Variants in PHACTR2 observed in about 807,000 individuals in gnomAD.
The protein encoded by PHACTR2 is phosphatase and actin regulator 2.
Under a neutral mutation model 76.0 loss-of-function variants are expected in PHACTR2, and 30 were observed. The observed-to-expected ratio is 0.39, with a 90% CI of 0.30 to 0.54. PHACTR2 has a LOEUF of 0.54. Among genes scored for constraint, PHACTR2 ranks in the 20% least tolerant of loss-of-function variants. The probability of loss-of-function intolerance (pLI) is 0.61; values close to 1 mark genes in which losing one functional copy is unlikely to be tolerated. For missense variants in PHACTR2, 696 were observed against 781.1 expected, an observed-to-expected ratio of 0.89 and a Z score of 1.30; for synonymous variants, 292 against 292.5, an observed-to-expected ratio of 1.00 and a Z score of 0.02.
At position 143,765,688 on chromosome 6, in the gene PHACTR2, G is replaced by C; in HGVS notation, c.1122G>C (p.Leu374=). 1 of 1,614,148 alleles carries C rather than the reference G, an allele frequency of 6.2e-7. No homozygotes were observed. Among genetic ancestry groups the C allele is most frequent in the Non-Finnish European group, 8.5e-7 (1 of 1,180,026 alleles). The change falls in exon 6 of 13, where the codon CTG becomes CTC. Residue 374 remains leucine, a synonymous_variant. Coordinates refer to ENST00000440869, the MANE Select transcript of PHACTR2 (RefSeq NM_001100164.2). The surrounding 1 kb of genome is among the most constrained non-coding windows in gnomAD (Gnocchi z 4.1). ...TCCTCGTCAGCGTTGGAGCTGACCT[G>C]CCCGTCTCTGCCTTAGACCCAAGTC... ...PVVLVSVGAD[L]PVSALDPSQL...
rs1165865514 is a variant in PHACTR2, at chr6:143,546,476, CATA to C, written c.217+9275_217+9277del. Among the ~76,000 whole-genome samples the C allele has an allele frequency of 6.6e-6, 1 of 152,036 alleles. No homozygotes were observed. Among genetic ancestry groups the C allele is most frequent in the African/African-American group, 2.4e-5 (1 of 41,384 alleles). ...TAACTCACATACTGTAAGCATGTGA[CATA>C]ATAATTAATGGTCATTAGTCAGGTC... On this transcript the variant is annotated intron_variant, in intron 1 of 11. Transcript: ENST00000367584. The surrounding 1 kb of genome is among the most constrained non-coding windows in gnomAD (Gnocchi z 4.9).
At chr6:143,593,438 A>G (rs1272761987) in intron 1 of PHACTR2, among the ~76,000 whole-genome samples, 1 of 152,192 alleles carries the variant, frequency 6.6e-6, no homozygotes, top group Non-Finnish European at 1.5e-5. Context: ...GCATATCTTC[A>G]TTTCTGCTTC....
At position 143,822,401 on chromosome 6, in the gene PHACTR2, G is replaced by C. The variant is rs985953639; in HGVS notation, c.1923-1273G>C. The stretch of plus-strand genomic sequence containing the variant: ...AGAACTGGGTTGGGCGCAGTGGCTC[G>C]TACCTGTAATCACAGCACTGTGGAA... On this transcript the variant is annotated intron_variant, in intron 12 of 12. Transcript: ENST00000440869. This position sits in a 1 kb window ranked among gnomAD's most constrained non-coding sequence, Gnocchi z 5.5. Among the ~76,000 whole-genome samples, 41 of 152,184 alleles carry C rather than the reference G, an allele frequency of 2.7e-4. No individual in the cohort carries two copies. The highest frequency in any genetic ancestry group is 9.4e-4 in the African/African-American group (39 of 41,538).
intron 1 of PHACTR2, among the ~76,000 whole-genome samples, chr6:143,575,613 T>C (rs1465068036): frequency 6.6e-6 from 1 of 152,258 alleles, no homozygotes; most frequent in Admixed American, 6.5e-5. Flanking sequence ...TGGTGCTTAA[T>C]AGCTTCCATT....
rs1211020675 is a variant in PHACTR2, at chr6:143,784,296, AT to A, written c.1707+1019del. ...CAAACTCAGACAATTGTTGCCACTT[AT>A]TTATGAATATATAAATCTGATGTTA... On this transcript the variant is annotated intron_variant, in intron 10 of 12. Transcript: ENST00000440869. The surrounding 1 kb of genome is among the most constrained non-coding windows in gnomAD (Gnocchi z 4.5). Among the ~76,000 whole-genome samples the A allele has an allele frequency of 1.3e-5, 2 of 152,192 alleles. No homozygotes were observed. Among genetic ancestry groups the A allele is most frequent in the African/African-American group, 4.8e-5 (2 of 41,442 alleles).
In PHACTR2 at chr6:143,623,766, T is replaced by C. The variant is rs1004016092; in HGVS notation, c.13+15444T>C. The stretch of plus-strand genomic sequence containing the variant: ...AGAAAGAATAAAAGGGGAATTTTTA[T>C]ATTTTACTCTAGACTTTTCTATTTT... On this transcript the variant is annotated intron_variant, in intron 1 of 11. Transcript: ENST00000305766. The surrounding 1 kb of genome is among the most constrained non-coding windows in gnomAD (Gnocchi z 5.9). Among the ~76,000 whole-genome samples, 4 of 152,222 alleles carry C rather than the reference T, an allele frequency of 2.6e-5. No individual in the cohort carries two copies. Among genetic ancestry groups the C allele is most frequent in the African/African-American group, 9.6e-5 (4 of 41,466 alleles).
intron 12 of PHACTR2, among the ~76,000 whole-genome samples, chr6:143,814,047 A>C (rs1036650212): frequency 3.2e-4 from 48 of 152,232 alleles, no homozygotes; most frequent in Middle Eastern, 3.2e-3. Flanking sequence ...TACAGGAAAG[A>C]AAATGTTACT....
At chr6:143,540,421 C>T (rs1781162546) in intron 1 of PHACTR2, among the ~76,000 whole-genome samples, 1 of 152,202 alleles carries the variant, frequency 6.6e-6, no homozygotes, top group African/African-American at 2.4e-5. Context: ...CACCTCCATC[C>T]TTCTTTCCAG....
At position 143,708,193 on chromosome 6, in the gene PHACTR2, A is replaced by T. The variant is rs904800217; in HGVS notation, c.47-3823A>T. On this transcript the variant is annotated intron_variant, in intron 1 of 12. Transcript: ENST00000440869. This position sits in a 1 kb window ranked among gnomAD's most constrained non-coding sequence, Gnocchi z 5.5. The stretch of plus-strand genomic sequence containing the variant: ...TTTGCACTGGGACTGCCTAACTGAT[A>T]CATTTCTGTTTAAATAAAAAATAAA... Among the ~76,000 whole-genome samples the T allele has an allele frequency of 5.3e-5, 8 of 152,214 alleles. No homozygotes were observed. The highest frequency in any genetic ancestry group is 1.9e-4 in the African/African-American group (8 of 41,450).
In PHACTR2 at chr6:143,827,048, G is replaced by C. The variant is rs1162883832; in HGVS notation, c.*3359G>C. 3.3e-5 allele frequency: 5 copies of C among 150,242 alleles called. No homozygotes were observed. Among genetic ancestry groups the C allele is most frequent in the Non-Finnish European group, 7.4e-5 (5 of 67,640 alleles). The allele number at this position is 150,242 out of a possible 1,614,324, so 9.3% of individuals were successfully genotyped here. ...AAGGAATTCAATACACCCTTCAAAAGTCACCAAATACTGAAAATAAGAGAT... is the reference window on the plus strand; with the variant it reads ...AAGGAATTCAATACACCCTTCAAAACTCACCAAATACTGAAAATAAGAGAT... On this transcript the variant is annotated 3_prime_UTR_variant, in exon 13 of 13. Transcript: ENST00000440869.
rs1481238345 is a variant in PHACTR2 at position 143,602,132 on chromosome 6, TTTG to T, written c.217+64928_217+64930del. 2.6e-5 allele frequency among the ~76,000 whole-genome samples: 4 copies of T among 152,196 alleles called. No individual in the cohort carries two copies. Among genetic ancestry groups the T allele is most frequent in the Non-Finnish European group, 1.5e-5 (1 of 68,038 alleles). On this transcript the variant is annotated intron_variant, in intron 1 of 11. Coordinates refer to the PHACTR2 transcript ENST00000367584. The surrounding 1 kb of genome is among the most constrained non-coding windows in gnomAD (Gnocchi z 6.1). ...GCTGCCTAACATTAGTTCCTTTAGT[TTTG>T]TTTTCACTCTCGCTCTCCCCCTCCC...
At chr6:143,600,005 G>A (rs984245630) in intron 1 of PHACTR2, among the ~76,000 whole-genome samples, 6 of 152,206 alleles carry the variant, frequency 3.9e-5, no homozygotes, top group Admixed American at 3.3e-4. Flanking sequence ...ACTACCAGTT[G>A]GCAGCTCATG....
In PHACTR2 at chr6:143,801,658, C is replaced by T. The variant is rs1160253660; in HGVS notation, c.1846-5399C>T. On this transcript the variant is annotated intron_variant, in intron 11 of 12. Transcript: ENST00000440869. The surrounding 1 kb of genome is among the most constrained non-coding windows in gnomAD (Gnocchi z 4.6). ...TGGATTAGATCATGCTCCTTTAGCT[C>T]GGAGAAGTTTGTTATTACTGACCTT... Among the ~76,000 whole-genome samples the T allele has an allele frequency of 1.3e-5, 2 of 152,114 alleles. No homozygotes were observed. Among genetic ancestry groups the T allele is most frequent in the Non-Finnish European group, 2.9e-5 (2 of 68,028 alleles).
At position 143,677,989 on chromosome 6, in the gene PHACTR2, C is replaced by T; in HGVS notation, c.-175C>T. On this transcript the variant is annotated 5_prime_UTR_variant, in exon 1 of 13. Transcript: ENST00000440869. ...CATCCGCTGGGCAGGATCCGCCGCG[C>T]CGGCTGCGGCCGGCCGGGCTGGGAG... The T allele has an allele frequency of 6.3e-6, 9 of 1,438,616 alleles. No individual in the cohort carries two copies. In the South Asian group the frequency reaches 1.3e-4, roughly 20 times the overall value. 89.1% of individuals were successfully genotyped at this position (1,438,616 alleles called of 1,614,324 possible).
chr6:143,687,345 C>T (rs1056089346), intron 1 of PHACTR2, among the ~76,000 whole-genome samples: 3 of 152,124 alleles, frequency 2.0e-5, no homozygotes, highest in Non-Finnish European at 2.9e-5. Context: ...AAGAATTGGT[C>T]TTACAATTAA....
At chr6:143,716,334 G>A (rs1027418501) in intron 2 of PHACTR2, among the ~76,000 whole-genome samples, 1 of 152,078 alleles carries the variant, frequency 6.6e-6, no homozygotes, top group Non-Finnish European at 1.5e-5. Flanking sequence ...TCTGTTATGG[G>A]AATCAGAAAG....
Position 143,541,372 on chromosome 6 carries a change from T to C in PHACTR2, c.217+4165T>C, listed in dbSNP as rs1781169673. The stretch of plus-strand genomic sequence containing the variant: ...AAGTACCGACTGTTGGCCTACTGGG[T>C]GCCAGGTGCTGTTCTGGACCTGTGT... On this transcript the variant is annotated intron_variant, in intron 1 of 11. Coordinates refer to the PHACTR2 transcript ENST00000367584. The surrounding 1 kb of genome is among the most constrained non-coding windows in gnomAD (Gnocchi z 5.3). 6.6e-6 allele frequency among the ~76,000 whole-genome samples: 1 copy of C among 152,212 alleles called. No homozygotes were observed. Among genetic ancestry groups the C allele is most frequent in the South Asian group, 2.1e-4 (1 of 4,826 alleles).
intron 1 of PHACTR2, among the ~76,000 whole-genome samples, chr6:143,651,624 T>G (rs1032411408): frequency 7.9e-5 from 12 of 151,284 alleles, no homozygotes; most frequent in African/African-American, 2.9e-4. Flanking sequence ...CACTTATAAG[T>G]GGGAGCTGAA....
rs1775258401 is a variant in PHACTR2 at position 143,560,865 on chromosome 6, A to G, written c.217+23658A>G. 2.0e-5 allele frequency among the ~76,000 whole-genome samples: 3 copies of G among 150,340 alleles called. No individual in the cohort carries two copies. In the South Asian group the frequency reaches 6.4e-4, roughly 32 times the overall value. On this transcript the variant is annotated intron_variant, in intron 1 of 11. Transcript: ENST00000367584. ...GAGGAACTCTGGGGGATTGGGATAT[A>G]AAATGCAAAGCAGAGGGGTGTGTGT...
Sources: allele counts gnomAD v4.1 joint callset (sites outside exome capture counted in the v4.1 genomes callset), GRCh38; gene constraint gnomAD v4.1.1; non-coding constraint Gnocchi (gnomAD v3.1); transcripts MANE v1.5; gene names NCBI Gene and HGNC (gene_info 2026-07-23, HGNC 2026-07-21).